The following SUGCT variants were observed in gnomAD, a reference collection of about 807,000 sequenced individuals.
SUGCT encodes the protein succinyl-CoA:glutarate-CoA transferase, also known as succinyl-CoA:glutarate CoA-transferase.
Under a neutral mutation model 55.0 loss-of-function variants are expected in SUGCT, and 41 were observed. The ratio of observed to expected loss-of-function variants is 0.74; its 90% CI spans 0.58 to 0.97. The LOEUF (loss-of-function observed/expected upper bound fraction) is 0.97, where lower values mean the gene tolerates loss of function less well. SUGCT is among the 50% of genes least tolerant of loss of function. The pLI, the probability that SUGCT is intolerant of heterozygous loss-of-function variation, is 0.00. For synonymous variants in SUGCT, 187 were observed against 200.4 expected, an observed-to-expected ratio of 0.93 and a Z score of 0.56; for missense variants, 568 against 547.8, an observed-to-expected ratio of 1.04 and a Z score of -0.37.
chr7:40,807,315 C>G (rs560810030), intron 13 of SUGCT, among the ~76,000 whole-genome samples: 1 of 152,162 alleles, frequency 6.6e-6, no homozygotes, highest in South Asian at 2.1e-4. Flanking sequence ...TTGCACCTGT[C>G]AAACCATCAT....
At chr7:40,504,068 A>G (rs1252246716) in intron 12 of SUGCT, among the ~76,000 whole-genome samples, 3 of 152,236 alleles carry the variant, frequency 2.0e-5, no homozygotes, top group African/African-American at 7.2e-5. Flanking sequence ...CTAACCGTAA[A>G]TGGAAAGATA....
intron 12 of SUGCT, among the ~76,000 whole-genome samples, chr7:40,590,868 A>G (rs1797679842): frequency 6.6e-6 from 1 of 152,234 alleles, no homozygotes; most frequent in African/African-American, 2.4e-5. Flanking sequence ...AGCATGGTTT[A>G]CTGAATATTT....
At chr7:40,981,024 A>T in the SUGCT span, among the ~76,000 whole-genome samples, 4 of 151,882 alleles carry the variant, frequency 2.6e-5, no homozygotes, top group African/African-American at 9.7e-5. Context: ...CTCAAGAATA[A>T]TCCTCTTTGG....
chr7:40,934,559 A>T, the SUGCT span, among the ~76,000 whole-genome samples: 1 of 152,250 alleles, frequency 6.6e-6, no homozygotes, highest in East Asian at 1.9e-4. Context: ...TGGAATCTAT[A>T]GAGGCAGTAG....
chr7:40,995,636 A>G, the SUGCT span, among the ~76,000 whole-genome samples: 3 of 151,928 alleles, frequency 2.0e-5, no homozygotes, highest in South Asian at 4.2e-4. Flanking sequence ...AATTACTTCA[A>G]TATTTTTTTC....
chr7:40,459,370 T>G (rs1020810974), intron 11 of SUGCT, among the ~76,000 whole-genome samples, 172 bp downstream of exon 11: 7 of 152,150 alleles, frequency 4.6e-5, no homozygotes, highest in Admixed American at 2.6e-4. Context: ...TTTGTTTGTT[T>G]GTTTAGAAGC....
chr7:41,000,486 T>G, the SUGCT span, among the ~76,000 whole-genome samples: 1 of 148,430 alleles, frequency 6.7e-6, no homozygotes, highest in East Asian at 1.9e-4. Context: ...ACTTAGTTGT[T>G]TTTTTTTTTT....
chr7:40,957,481 A>G, the SUGCT span, among the ~76,000 whole-genome samples: 3 of 61,266 alleles, frequency 4.9e-5, no homozygotes, highest in African/African-American at 1.8e-4. Context: ...TTGGCTTTCC[A>G]TTTGCTTGGT....
chr7:40,429,687 G>A (rs1249889604), intron 9 of SUGCT, among the ~76,000 whole-genome samples: 1 of 152,158 alleles, frequency 6.6e-6, no homozygotes, highest in Non-Finnish European at 1.5e-5. Context: ...CTGATTAGAT[G>A]GTGCACACCC....
chr7:40,321,950 T>C (rs1795778844), intron 9 of SUGCT, among the ~76,000 whole-genome samples: 1 of 152,180 alleles, frequency 6.6e-6, no homozygotes, highest in Admixed American at 6.5e-5. Flanking sequence ...AGGTATCCAG[T>C]AGTGGGATTG....
chr7:40,449,384 C>A, intron 10 of SUGCT, 26 bp downstream of exon 10: 1 of 1,570,644 alleles, frequency 6.4e-7, no homozygotes. Context: ...TGGGATTGGT[C>A]GATGATTTTG....
chr7:40,843,088 A>G (rs1012607751), intron 13 of SUGCT, among the ~76,000 whole-genome samples: 2 of 152,220 alleles, frequency 1.3e-5, no homozygotes, highest in African/African-American at 4.8e-5. Flanking sequence ...CTACCATTAT[A>G]ACATGTACAT....
At chr7:40,211,548 G>A (rs956169192) in intron 6 of SUGCT, among the ~76,000 whole-genome samples, 3 of 152,130 alleles carry the variant, frequency 2.0e-5, no homozygotes, top group African/African-American at 7.2e-5. Context: ...CACGAGGCAT[G>A]GAGATTATTG....
At chr7:40,584,534 C>A (rs1371296358) in intron 12 of SUGCT, among the ~76,000 whole-genome samples, 1 of 152,162 alleles carries the variant, frequency 6.6e-6, no homozygotes, top group Non-Finnish European at 1.5e-5. Flanking sequence ...TAATAGTTCC[C>A]ATGTGCATAG....
chr7:40,136,944 G>T (rs575757087), intron 1 of SUGCT, among the ~76,000 whole-genome samples: 1 of 151,764 alleles, frequency 6.6e-6, no homozygotes, highest in Non-Finnish European at 1.5e-5. Flanking sequence ...GCAGTGATCC[G>T]CTATTGTGCC....
At chr7:40,899,788 T>C in the SUGCT span, among the ~76,000 whole-genome samples, 1 of 152,174 alleles carries the variant, frequency 6.6e-6, no homozygotes, top group Non-Finnish European at 1.5e-5. Flanking sequence ...TGTTGAAATA[T>C]CATTAAGCAG....
the SUGCT span, among the ~76,000 whole-genome samples, chr7:40,923,284 G>T: frequency 6.6e-6 from 1 of 152,158 alleles, no homozygotes; most frequent in African/African-American, 2.4e-5. Flanking sequence ...AGAATTGTCT[G>T]CTATTTATGT....
At position 40,628,219 on chromosome 7, in the gene SUGCT, G is replaced by A. The variant is rs1323398467; in HGVS notation, c.1090-121215G>A. ...TTTAATAACCTAAACTTTCCACTGG[G>A]GTTTTGGGACATATCCCCCTTGGAT... On this transcript the variant is annotated intron_variant, in intron 12 of 13. Transcript: ENST00000335693. Among the ~76,000 whole-genome samples the A allele has an allele frequency of 2.6e-5, 4 of 152,104 alleles. No individual in the cohort carries two copies. In the East Asian group the frequency reaches 7.7e-4, roughly 29 times the overall value.
At chr7:41,016,091 A>G in the SUGCT span, among the ~76,000 whole-genome samples, 5 of 152,328 alleles carry the variant, frequency 3.3e-5, no homozygotes, top group African/African-American at 1.2e-4. Context: ...CCATGTTCTA[A>G]CCATCAGAAA....
Sources: gnomAD v4.1 joint callset for allele counts (sites outside exome capture counted in the v4.1 genomes callset) on GRCh38, gnomAD v4.1.1 for gene constraint, MANE v1.5 for transcripts, NCBI Gene and HGNC (gene_info 2026-07-23, HGNC 2026-07-21) for gene names.